Variants in CNTRL observed in about 807,000 individuals in gnomAD.
The protein encoded by CNTRL is 110 kDa centrosomal protein.
CNTRL carries 233 observed loss-of-function variants against 303.7 expected under a neutral mutation model. The observed-to-expected ratio is 0.77, with a 90% confidence interval of 0.69 to 0.86. The LOEUF is 0.86. Among genes scored for constraint, CNTRL ranks in the 40% least tolerant of loss-of-function variants. The probability of loss-of-function intolerance (pLI) is 0.00; values close to 1 mark genes in which losing one functional copy is unlikely to be tolerated. For synonymous variants in CNTRL, 900 were observed against 922.2 expected (o/e 0.98, Z 0.44); for missense variants, 2,524 against 2,650.6 (o/e 0.95, Z 1.05).
At chr9:121,155,268 G>A (rs1033971483) in intron 27 of CNTRL, among the ~76,000 whole-genome samples, 9 of 152,058 alleles carry the variant, frequency 5.9e-5, no homozygotes, top group Admixed American at 1.3e-4. Context: ...TCTGCTACCT[G>A]TGTTTTTTTA....
intron 4 of CNTRL, among the ~76,000 whole-genome samples, chr9:121,092,581 A>C (rs181832267): frequency 2.9e-4 from 1 of 3,478 alleles, no homozygotes. Flanking sequence ...CTATATATAT[A>C]ATATATATCT....
intron 14 of CNTRL, among the ~76,000 whole-genome samples, chr9:121,132,353 C>T (rs536099670): frequency 6.6e-6 from 1 of 152,206 alleles, no homozygotes; most frequent in African/African-American, 2.4e-5. Flanking sequence ...TTTCTCTAAA[C>T]TTCTCTTCTT....
At chr9:121,171,295 G>C (rs1234751255) in intron 39 of CNTRL, 113 bp from the exon 40 acceptor site, 1 of 1,132,690 alleles carries the variant, frequency 8.8e-7, no homozygotes, top group Admixed American at 1.9e-5. Context: ...TTGACAGCTA[G>C]AGAAGCTGAG....
chr9:121,157,224 T>C (rs942985271), intron 27 of CNTRL, among the ~76,000 whole-genome samples: 5 of 152,250 alleles, frequency 3.3e-5, no homozygotes, highest in Admixed American at 1.3e-4. Context: ...GTATTCCACT[T>C]TGTTAATGCA....
chr9:121,083,139 C>T (rs1284705457), intron 2 of CNTRL, among the ~76,000 whole-genome samples: 3 of 152,078 alleles, frequency 2.0e-5, no homozygotes, highest in Non-Finnish European at 4.4e-5. Context: ...CGGTACACTA[C>T]TGTAGACTTT....
chr9:121,169,887 C>A, intron 39 of CNTRL, 71 bp downstream of exon 39: 2 of 1,220,438 alleles, frequency 1.6e-6, no homozygotes, highest in Non-Finnish European at 2.4e-6. Context: ...AACACCACTT[C>A]AACACAGAGA....
intron 7 of CNTRL, among the ~76,000 whole-genome samples, chr9:121,103,196 CAG>C (rs1340024443): frequency 6.6e-6 from 1 of 152,178 alleles, no homozygotes; most frequent in Non-Finnish European, 1.5e-5. Flanking sequence ...GGTACCAAAA[CAG>C]AGATATAGAC....
chr9:121,174,174 A>G (rs2053429826), intron 42 of CNTRL, among the ~76,000 whole-genome samples: 1 of 152,198 alleles, frequency 6.6e-6, no homozygotes, highest in Non-Finnish European at 1.5e-5. Context: ...CCAGGGAAGG[A>G]TATCTGTCTG....
intron 2 of CNTRL, among the ~76,000 whole-genome samples, chr9:121,082,399 G>A (rs2048173647): frequency 6.6e-6 from 1 of 152,166 alleles, no homozygotes; most frequent in African/African-American, 2.4e-5. Context: ...TCTAAGTTAG[G>A]TTGCAGTTCA....
intron 1 of CNTRL, among the ~76,000 whole-genome samples, chr9:121,076,852 TGGG>T (rs1234998243): frequency 6.6e-6 from 1 of 151,992 alleles, no homozygotes; most frequent in Non-Finnish European, 1.5e-5. Context: ...TCAGAGGGTA[TGGG>T]ATGAAGTAGA....
At chr9:121,173,134 ATAG>A (rs1450738929) in intron 40 of CNTRL, 106 bp from the exon 41 acceptor site, 6 of 948,412 alleles carry the variant, frequency 6.3e-6, no homozygotes, top group South Asian at 1.8e-5. Context: ...TCTAGTAATC[ATAG>A]TAGTTGATAT....
intron 13 of CNTRL, among the ~76,000 whole-genome samples, chr9:121,125,240 T>A (rs1265702956): frequency 6.6e-6 from 1 of 151,778 alleles, no homozygotes; most frequent in African/African-American, 2.4e-5. Context: ...TGATCTTGGC[T>A]CACTGCAACC....
Position 121,165,093 on chromosome 9 carries a change from G to C in CNTRL, c.5574G>C (p.Gln1858His), listed in dbSNP as rs1393657597. Residue 1858 changes from glutamine to histidine, a missense_variant, in exon 35 of 44, where the codon CAG becomes CAC. Gln to His is a conservative substitution (Grantham distance 24). Transcript: ENST00000373855. The stretch of plus-strand genomic sequence containing the variant: ...ACGACATTTCAGCAATGCAACAGCA[G>C]CTCCAAGGTATAAGGCAGCAAAACA... The part of the protein sequence containing the change: ...LHNDISAMQQ[Q>H]LQEKREAVNS... The C allele has an allele frequency of 1.3e-6, 2 of 1,584,988 alleles. No individual in the cohort carries two copies. The highest frequency in any genetic ancestry group is 8.6e-7 in the Non-Finnish European group (1 of 1,168,068).
chr9:121,138,115 ATCCAGAATCTCTTT>A (rs763681932), intron 15 of CNTRL, among the ~76,000 whole-genome samples: 10 of 152,150 alleles, frequency 6.6e-5, no homozygotes, highest in Non-Finnish European at 1.2e-4. Flanking sequence ...AGAGATTCTG[ATCCAGAATCTCTTT>A]TCTGAGATAG....
intron 14 of CNTRL, among the ~76,000 whole-genome samples, chr9:121,129,703 G>A (rs1288568330): frequency 2.0e-5 from 3 of 152,116 alleles, no homozygotes; most frequent in Non-Finnish European, 2.9e-5. Flanking sequence ...GGGCATCCCT[G>A]TCTTGTGCCA....
intron 2 of CNTRL, among the ~76,000 whole-genome samples, chr9:121,085,275 G>A (rs1029912447): frequency 6.6e-6 from 1 of 152,218 alleles, no homozygotes; most frequent in Non-Finnish European, 1.5e-5. Context: ...GGGGGCATGA[G>A]ACGACTTCTG....
intron 2 of CNTRL, among the ~76,000 whole-genome samples, chr9:121,081,402 A>G (rs529775298): frequency 2.2e-4 from 33 of 152,268 alleles, no homozygotes; most frequent in African/African-American, 7.0e-4. Context: ...ATTCAGTTCA[A>G]TTCTGACACT....
chr9:121,112,691 C>T, intron 9 of CNTRL, 113 bp downstream of exon 9: 5 of 1,110,932 alleles, frequency 4.5e-6, no homozygotes, highest in Non-Finnish European at 6.5e-6. Flanking sequence ...ACTCCACTTT[C>T]TTGTTATGAG....
chr9:121,099,308 A>G (rs1230001962), intron 7 of CNTRL, among the ~76,000 whole-genome samples: 2 of 152,202 alleles, frequency 1.3e-5, no homozygotes, highest in Non-Finnish European at 2.9e-5. Context: ...GTGGACCTCC[A>G]GCGAACTCCA....
Sources: allele counts gnomAD v4.1 joint callset (sites outside exome capture counted in the v4.1 genomes callset), GRCh38; gene constraint gnomAD v4.1.1; transcripts MANE v1.5; gene names NCBI Gene and HGNC (gene_info 2026-07-23, HGNC 2026-07-21).